The following TMEFF2 variants were observed in gnomAD, a reference collection of about 807,000 sequenced individuals.
TMEFF2 encodes tomoregulin-2.
In TMEFF2, 28 loss-of-function variants were observed where a neutral mutation model predicts 53.8. The observed-to-expected ratio is 0.52, with a 90% confidence interval of 0.39 to 0.71. TMEFF2 has a LOEUF of 0.71. TMEFF2 is among the 30% of genes least tolerant of loss of function. The pLI, the probability that TMEFF2 is intolerant of heterozygous loss-of-function variation, is 0.00. For synonymous variants in TMEFF2, 162 were observed against 166.3 expected, an observed-to-expected ratio of 0.97 and a Z score of 0.20; for missense variants, 353 against 455.2, an observed-to-expected ratio of 0.78 and a Z score of 2.04.
chr2:192,069,982 GTGTGTGTATA>G (rs1688250799), intron 4 of TMEFF2, among the ~76,000 whole-genome samples: 1 of 8,272 alleles, frequency 1.2e-4, no homozygotes, highest in African/African-American at 2.8e-4. Flanking sequence ...GTGTGTGTGT[GTGTGTGTATA>G]TATATATATA....
intron 4 of TMEFF2, among the ~76,000 whole-genome samples, chr2:192,117,412 C>A (rs1689439251): frequency 6.6e-6 from 1 of 152,014 alleles, no homozygotes; most frequent in Non-Finnish European, 1.5e-5. Flanking sequence ...GTAAAAGATT[C>A]CTCAAGTGAG....
At chr2:191,954,091 G>T (rs564297734) in intron 8 of TMEFF2, among the ~76,000 whole-genome samples, 18 of 152,052 alleles carry the variant, frequency 1.2e-4, no homozygotes, top group Non-Finnish European at 1.5e-4. Context: ...GTTTCACCCT[G>T]TTAGCCAGGA....
chr2:192,144,192 C>T (rs575697766), intron 4 of TMEFF2, among the ~76,000 whole-genome samples: 2 of 152,188 alleles, frequency 1.3e-5, no homozygotes, highest in African/African-American at 2.4e-5. Context: ...CCCACATCGT[C>T]GCCATCACCA....
chr2:191,979,391 T>G (rs1233334539), intron 7 of TMEFF2, among the ~76,000 whole-genome samples: 2 of 152,192 alleles, frequency 1.3e-5, no homozygotes, highest in Non-Finnish European at 2.9e-5. Flanking sequence ...GGATTTGATT[T>G]CATTTAGGTT....
chr2:192,140,995 T>G (rs950730886), intron 4 of TMEFF2, among the ~76,000 whole-genome samples: 2 of 152,038 alleles, frequency 1.3e-5, no homozygotes, highest in African/African-American at 4.8e-5. Context: ...TATACAAAAG[T>G]GAGTGGGATG....
intron 5 of TMEFF2, among the ~76,000 whole-genome samples, chr2:192,001,005 G>A (rs1405106834): frequency 1.3e-5 from 2 of 152,178 alleles, no homozygotes; most frequent in Non-Finnish European, 2.9e-5. Context: ...CTGCCTACAT[G>A]TTCAAAGAGC....
chr2:192,155,224 C>A lies in TMEFF2; in HGVS notation c.439+24444G>T, dbSNP rs968188953. 2.6e-5 allele frequency among the ~76,000 whole-genome samples: 4 copies of A among 151,866 alleles called. 1 individual carries two copies. In the South Asian group the frequency reaches 8.3e-4, roughly 32 times the overall value. On this transcript the variant is annotated intron_variant, in intron 4 of 9. Coordinates refer to ENST00000272771, the MANE Select transcript of TMEFF2 (RefSeq NM_016192.4). ...CCTTATATATCAGCATGATTTTGAC[C>A]GAGAGCCTATTGGGAGAAATAATTT...
At chr2:191,997,159 A>G (rs922772009) in intron 7 of TMEFF2, among the ~76,000 whole-genome samples, 2 of 151,960 alleles carry the variant, frequency 1.3e-5, no homozygotes, top group Non-Finnish European at 2.9e-5. Flanking sequence ...GGGAATGGCT[A>G]TACATTGGTA....
chr2:192,137,791 G>GTAATATATACAAATATATATATA (rs1690046100), intron 4 of TMEFF2, among the ~76,000 whole-genome samples: 1 of 146,926 alleles, frequency 6.8e-6, no homozygotes, highest in African/African-American at 2.5e-5. Context: ...ATATATATAT[G>GTAATATATACAAATATATATATA]TAATATATAC....
intron 4 of TMEFF2, among the ~76,000 whole-genome samples, chr2:192,175,553 A>G (rs4268887): frequency 0.93 from 140,790 of 151,318 alleles, 66,004 homozygotes; most frequent in East Asian, 1. Flanking sequence ...ATAAACATAA[A>G]TTTAATTTGA....
intron 5 of TMEFF2, among the ~76,000 whole-genome samples, chr2:192,039,270 A>G (rs896497827): frequency 6.6e-6 from 1 of 152,238 alleles, no homozygotes; most frequent in Non-Finnish European, 1.5e-5. Flanking sequence ...TATCAATTCT[A>G]TGAATAAAAA....
At position 192,194,620 on chromosome 2, in the gene TMEFF2, G is replaced by A; in HGVS notation, c.-96C>T. The stretch of plus-strand genomic sequence containing the variant: ...GGCTACTGAGCATCCCGCGGACGGC[G>A]GCAGCAGAGGCGGCGGCGGTGGCAG... On this transcript the variant is annotated 5_prime_UTR_variant, in exon 1 of 10. Transcript: ENST00000272771. The surrounding 1 kb of genome is among the most constrained non-coding windows in gnomAD (Gnocchi z 4.2). 45 of 1,438,100 alleles carry A rather than the reference G, an allele frequency of 3.1e-5. No homozygotes were observed. The highest frequency in any genetic ancestry group is 4.3e-5 in the Non-Finnish European group (45 of 1,056,084). The allele number at this position is 1,438,100 out of a possible 1,614,324, so 89.1% of individuals were successfully genotyped here.
intron 1 of TMEFF2, among the ~76,000 whole-genome samples, chr2:192,193,931 T>C (rs1471530673): frequency 6.6e-6 from 1 of 152,198 alleles, no homozygotes; most frequent in Non-Finnish European, 1.5e-5. Flanking sequence ...ATTTGATTTA[T>C]TGCTTTCTCG....
chr2:192,078,938 G>A (rs1688492750), intron 4 of TMEFF2, among the ~76,000 whole-genome samples: 1 of 152,172 alleles, frequency 6.6e-6, no homozygotes, highest in South Asian at 2.1e-4. Context: ...TATGCATATT[G>A]TGCCAACAGC....
chr2:192,055,808 ACT>A (rs1411567801), intron 5 of TMEFF2, among the ~76,000 whole-genome samples: 5 of 147,374 alleles, frequency 3.4e-5, no homozygotes, highest in East Asian at 4.0e-4. Context: ...AAGAAGCGAG[ACT>A]CTGTCTCAAT....
At chr2:192,007,766 A>G (rs777774709) in intron 5 of TMEFF2, among the ~76,000 whole-genome samples, 21 of 152,168 alleles carry the variant, frequency 1.4e-4, no homozygotes, top group Non-Finnish European at 2.8e-4. Context: ...AGGCAGAGGG[A>G]CTAGTTCCCA....
chr2:192,161,279 C>G (rs1183476734), intron 4 of TMEFF2, among the ~76,000 whole-genome samples: 2 of 152,024 alleles, frequency 1.3e-5, no homozygotes, highest in Non-Finnish European at 2.9e-5. Flanking sequence ...AGCGATTCTC[C>G]CTAGTAGCTG....
At chr2:192,013,342 G>T (rs1469494145) in intron 5 of TMEFF2, among the ~76,000 whole-genome samples, 1 of 152,060 alleles carries the variant, frequency 6.6e-6, no homozygotes, top group Non-Finnish European at 1.5e-5. Context: ...TGCCTGGAAT[G>T]TCCTAATCTC....
chr2:191,995,942 A>G (rs1686211658), intron 7 of TMEFF2, among the ~76,000 whole-genome samples: 1 of 151,938 alleles, frequency 6.6e-6, no homozygotes, highest in Non-Finnish European at 1.5e-5. Flanking sequence ...CCTGGACTAC[A>G]ATGAGTGACA....
Sources: gnomAD v4.1 joint callset for allele counts (sites outside exome capture counted in the v4.1 genomes callset) on GRCh38, gnomAD v4.1.1 for gene constraint, Gnocchi (gnomAD v3.1) non-coding constraint, MANE v1.5 for transcripts, NCBI Gene and HGNC (gene_info 2026-07-23, HGNC 2026-07-21) for gene names.